The following CTNNAL1 variants were observed in gnomAD, a reference collection of about 807,000 sequenced individuals.
The protein encoded by CTNNAL1 is catenin alpha like 1.
CTNNAL1 carries 69 observed loss-of-function variants against 93.6 expected under a neutral mutation model. The ratio of observed to expected loss-of-function variants is 0.74; its 90% CI spans 0.61 to 0.90. The LOEUF is 0.90. CTNNAL1 is among the 40% of genes least tolerant of loss of function. The probability of loss-of-function intolerance (pLI) is 0.00; values close to 1 mark genes in which losing one functional copy is unlikely to be tolerated. For synonymous variants in CTNNAL1, 286 were observed against 305.4 expected (o/e 0.94, Z 0.66); for missense variants, 836 against 862.0 (o/e 0.97, Z 0.38).
chr9:108,994,315 T>C (rs1454925131), intron 2 of CTNNAL1, among the ~76,000 whole-genome samples: 2 of 151,964 alleles, frequency 1.3e-5, no homozygotes, highest in African/African-American at 2.4e-5. Context: ...ATTGTATCAA[T>C]TGTGGGTGTG....
chr9:108,998,724 G>A (rs966444364), intron 2 of CTNNAL1, among the ~76,000 whole-genome samples: 5 of 152,158 alleles, frequency 3.3e-5, no homozygotes, highest in Non-Finnish European at 7.4e-5. Flanking sequence ...GAATACTAAT[G>A]GATACTAATG....
At chr9:108,945,360 TA>T (rs1830368848) in intron 15 of CTNNAL1, among the ~76,000 whole-genome samples, 1 of 152,232 alleles carries the variant, frequency 6.6e-6, no homozygotes, top group Non-Finnish European at 1.5e-5. Context: ...AAATGCTAAG[TA>T]AATCGCAGTT....
At chr9:108,972,864 G>GGGGGGGGGGGGGGCCCCCCCCC in intron 8 of CTNNAL1, 31 bp from the exon 9 acceptor site, 8 of 142,464 alleles carry the variant, frequency 5.6e-5, no homozygotes, top group South Asian at 1.2e-4. Context: ...GGGGGGGTGG[G>GGGGGGGGGGGGGGCCCCCCCCC]AGGGTGGAGA....
intron 2 of CTNNAL1, among the ~76,000 whole-genome samples, chr9:108,997,341 T>C (rs1832060731): frequency 1.3e-5 from 2 of 152,194 alleles, no homozygotes; most frequent in African/African-American, 2.4e-5. Context: ...CCTATTAATC[T>C]CCCTGCCTTC....
At position 108,970,479 on chromosome 9, in the gene CTNNAL1, G is replaced by A. The variant is rs373990953; in HGVS notation, c.1363C>T (p.Arg455Ter). The A allele has an allele frequency of 9.3e-6, 15 of 1,610,550 alleles. No homozygotes were observed. Among genetic ancestry groups the A allele is most frequent in the East Asian group, 6.7e-5 (3 of 44,520 alleles). ...AGAGGTTCTGTCCCAGATATGTGTC[G>A]TAACAATCGACAGGTCTACAAGACA... Reference protein sequence around the residue: ...EQLVETCRLLRHISGTEPLEI... With the variant: ...EQLVETCRLL The change falls in exon 10 of 19, where the codon CGA (arginine) becomes TGA (stop). Residue 455 changes from arginine (R) to a stop codon, truncating the protein, a stop_gained. Transcript: ENST00000325551. LOFTEE classifies it high-confidence loss of function.
chr9:109,010,758 CAGA>C (rs1827180562), intron 1 of CTNNAL1, among the ~76,000 whole-genome samples: 1 of 152,140 alleles, frequency 6.6e-6, no homozygotes, highest in South Asian at 2.1e-4. Context: ...CTTGGAGAGT[CAGA>C]AGAAGCTAGA....
rs1328573728 is a variant in CTNNAL1 at position 109,011,591 on chromosome 9, T to C, written c.141+1711A>G. 3.9e-5 allele frequency among the ~76,000 whole-genome samples: 6 copies of C among 152,228 alleles called. No homozygotes were observed. In the East Asian group the frequency reaches 9.6e-4, roughly 24 times the overall value. On this transcript the variant is annotated intron_variant, in intron 1 of 18. Transcript: ENST00000325551. ...GACTTTCTAGCTTGTTTTTCCACTA[T>C]GTACCATCTTTTTCTCTAGATCTCA...
intron 11 of CTNNAL1, among the ~76,000 whole-genome samples, chr9:108,956,438 G>T (rs1486634577): frequency 1.1e-4 from 17 of 152,150 alleles, no homozygotes; most frequent in Non-Finnish European, 2.9e-5. Flanking sequence ...CAACTTCCAG[G>T]TCATGTATAC....
At chr9:108,974,091 G>A (rs1330467416) in intron 8 of CTNNAL1, among the ~76,000 whole-genome samples, 2 of 152,110 alleles carry the variant, frequency 1.3e-5, no homozygotes, top group Non-Finnish European at 2.9e-5. Flanking sequence ...CTCTTGTCAC[G>A]TGTAAGAGAG....
chr9:108,948,271 G>A, intron 14 of CTNNAL1, 37 bp from the exon 15 acceptor site: 6 of 1,581,194 alleles, frequency 3.8e-6, no homozygotes, highest in South Asian at 3.5e-5. Flanking sequence ...GTAACAAAAA[G>A]TTATTACCTG....
chr9:108,973,863 C>T (rs2132134760), intron 8 of CTNNAL1, among the ~76,000 whole-genome samples: 1 of 152,116 alleles, frequency 6.6e-6, no homozygotes, highest in Middle Eastern at 3.4e-3. Context: ...CCAAAATTAA[C>T]AATAGGATAC....
At chr9:108,984,195 C>T in intron 5 of CTNNAL1, 152 bp downstream of exon 5, 1 of 548,454 alleles carries the variant, frequency 1.8e-6, no homozygotes, top group Middle Eastern at 4.7e-4. Context: ...AGTTAGCATT[C>T]TTATAAATAA....
chr9:109,013,267 A>G, intron 1 of CTNNAL1, 35 bp downstream of exon 1: 2 of 1,448,530 alleles, frequency 1.4e-6, no homozygotes, highest in Middle Eastern at 1.9e-4. Context: ...CCGCGGCGGG[A>G]AGGAGAAGAG....
At chr9:108,962,547 G>C (rs1015615236) in intron 11 of CTNNAL1, among the ~76,000 whole-genome samples, 1 of 152,194 alleles carries the variant, frequency 6.6e-6, no homozygotes, top group Non-Finnish European at 1.5e-5. Context: ...GTACAAAGAA[G>C]CAAGGAGTTT....
chr9:108,943,131 TTCTCCATATGG>T (rs2132072413), intron 17 of CTNNAL1, 87 bp from the exon 18 acceptor site: 10 of 1,216,968 alleles, frequency 8.2e-6, no homozygotes, highest in Non-Finnish European at 1.1e-5. Context: ...ATGATAAAAT[TTCTCCATATGG>T]AAATCTAAGG....
At chr9:109,013,167 G>C (rs1564157462) in intron 1 of CTNNAL1, 135 bp downstream of exon 1, 10 of 1,130,172 alleles carry the variant, frequency 8.8e-6, no homozygotes, top group Non-Finnish European at 1.1e-5. Context: ...CCACACAGGC[G>C]GTCCGACAAG....
chr9:108,958,272 C>T (rs984388193), intron 11 of CTNNAL1, among the ~76,000 whole-genome samples: 8 of 152,118 alleles, frequency 5.3e-5, no homozygotes, highest in Admixed American at 4.6e-4. Context: ...TGGGGCAAAA[C>T]CAACTGTTTC....
intron 4 of CTNNAL1, among the ~76,000 whole-genome samples, chr9:108,986,675 C>T (rs908445908): frequency 3.0e-4 from 46 of 151,968 alleles, no homozygotes; most frequent in African/African-American, 1.1e-3. Context: ...TTCTCCACAT[C>T]CTCTCCAGCA....
intron 10 of CTNNAL1, among the ~76,000 whole-genome samples, chr9:108,969,056 G>C (rs189829619): frequency 6.6e-6 from 1 of 152,214 alleles, no homozygotes; most frequent in East Asian, 1.9e-4. Flanking sequence ...GGGATCATGA[G>C]GTCAGGGGTT....
Sources: gnomAD v4.1 joint callset for allele counts (sites outside exome capture counted in the v4.1 genomes callset) on GRCh38, gnomAD v4.1.1 for gene constraint, MANE v1.5 for transcripts, NCBI Gene and HGNC (gene_info 2026-07-23, HGNC 2026-07-21) for gene names.